The following STK31 variants were observed in gnomAD, a reference collection of about 807,000 sequenced individuals.
STK31 encodes serine/threonine kinase 31.
STK31 carries 89 observed loss-of-function variants against 129.7 expected under a neutral mutation model. That is an observed-to-expected ratio of 0.69 (90% CI 0.58 to 0.82). The LOEUF (loss-of-function observed/expected upper bound fraction) is 0.82. STK31 is among the 40% of genes least tolerant of loss of function. The pLI is 0.00. For synonymous variants in STK31, 448 were observed against 395.3 expected (o/e 1.13, Z -1.58); for missense variants, 1,187 against 1,176.4 (o/e 1.01, Z -0.13).
chr7:23,797,045 A>G (rs1216991307), intron 22 of STK31, among the ~76,000 whole-genome samples: 3 of 152,234 alleles, frequency 2.0e-5, no homozygotes, highest in East Asian at 1.9e-4. Flanking sequence ...AAAGGGATCA[A>G]CGCAACAAGA....
intron 22 of STK31, among the ~76,000 whole-genome samples, chr7:23,791,781 G>T (rs1446871913): frequency 6.6e-6 from 1 of 152,156 alleles, no homozygotes; most frequent in East Asian, 1.9e-4. Context: ...AGTTAAGAGG[G>T]ATTAAGTATT....
At chr7:23,820,600 A>G (rs778996418) in intron 23 of STK31, among the ~76,000 whole-genome samples, 5 of 152,164 alleles carry the variant, frequency 3.3e-5, no homozygotes, top group East Asian at 3.8e-4. Context: ...CTACTCTGCT[A>G]TCAATCACTA....
chr7:23,747,023 G>C (rs1031191137), intron 8 of STK31, among the ~76,000 whole-genome samples: 2 of 152,084 alleles, frequency 1.3e-5, no homozygotes, highest in African/African-American at 4.8e-5. Context: ...TCAAACCTGT[G>C]TTGTTCAGGC....
At chr7:23,797,735 A>G (rs1792064730) in intron 22 of STK31, among the ~76,000 whole-genome samples, 1 of 152,222 alleles carries the variant, frequency 6.6e-6, no homozygotes, top group Non-Finnish European at 1.5e-5. Flanking sequence ...TTCAAAAGCT[A>G]GTAGAAGACA....
chr7:23,734,900 G>A (rs1011990190), intron 6 of STK31, among the ~76,000 whole-genome samples: 26 of 152,274 alleles, frequency 1.7e-4, no homozygotes, highest in African/African-American at 6.3e-4. Flanking sequence ...GGGAGGCAGA[G>A]GTTGCAATGA....
intron 6 of STK31, among the ~76,000 whole-genome samples, chr7:23,730,511 A>G (rs949012528): frequency 6.6e-6 from 1 of 152,014 alleles, no homozygotes; most frequent in African/African-American, 2.4e-5. Flanking sequence ...AAGGTTGGGG[A>G]GGCTTGTTTT....
intron 22 of STK31, chr7:23,811,519 G>T: frequency 3.6e-6 from 1 of 279,382 alleles, no homozygotes; most frequent in South Asian, 4.8e-5. Flanking sequence ...TTCCACCAAT[G>T]AGCAAGTCAT....
At position 23,810,042 on chromosome 7, in the gene STK31, A is replaced by G. The variant is rs1320250107; in HGVS notation, c.2761-5102A>G. On this transcript the variant is annotated intron_variant, in intron 22 of 23. Transcript: ENST00000355870. ...CCTGGCTATAATTGTAGACTTGCCTATTTCTCCTTTCAACTCTATCTTGTG... is the reference window on the plus strand; with the variant it reads ...CCTGGCTATAATTGTAGACTTGCCTGTTTCTCCTTTCAACTCTATCTTGTG... 3.9e-5 allele frequency among the ~76,000 whole-genome samples: 6 copies of G among 152,140 alleles called. No individual in the cohort carries two copies. The East Asian group carries it at 5.8e-4, about 15-fold the overall frequency.
chr7:23,784,562 A>G (rs1396014830), intron 17 of STK31, among the ~76,000 whole-genome samples: 1 of 152,152 alleles, frequency 6.6e-6, no homozygotes, highest in East Asian at 1.9e-4. Flanking sequence ...AAGATTATAA[A>G]AGGTTTGACT....
At chr7:23,722,963 G>C (rs569232258) in intron 4 of STK31, 1 of 152,148 alleles carries the variant, frequency 6.6e-6, no homozygotes, top group Non-Finnish European at 1.5e-5. Context: ...AGAGTGTCCC[G>C]AATTTCCCGG....
intron 11 of STK31, among the ~76,000 whole-genome samples, chr7:23,763,779 T>G (rs954057641): frequency 6.6e-6 from 1 of 152,112 alleles, no homozygotes; most frequent in South Asian, 2.1e-4. Context: ...TCTAATGTTT[T>G]CATTTGAAAT....
intron 9 of STK31, 72 bp from the exon 10 acceptor site, chr7:23,754,243 T>C: frequency 1.3e-6 from 2 of 1,516,110 alleles, no homozygotes; most frequent in Non-Finnish European, 1.8e-6. Flanking sequence ...CCATTACTAT[T>C]AAAGTGTAAC....
In STK31 at chr7:23,785,462, A is replaced by G. The variant is rs374073462; in HGVS notation, c.2149-16A>G. 3.7e-6 allele frequency: 6 copies of G among 1,609,986 alleles called. No individual in the cohort carries two copies. In the African/African-American group the frequency reaches 5.3e-5, roughly 14 times the overall value. On this transcript the variant is annotated splice_polypyrimidine_tract_variant and intron_variant, in intron 17 of 23. Coordinates refer to ENST00000355870, the MANE Select transcript of STK31 (RefSeq NM_031414.5). ...ATTGTTTGGATTCTTTAACTGTGAT[A>G]AAAACTTGTGCCTAGAACTCTGGTG... is the stretch of plus-strand genomic sequence containing the variant.
chr7:23,807,830 C>G (rs926448656), intron 22 of STK31, among the ~76,000 whole-genome samples: 6 of 151,774 alleles, frequency 4.0e-5, no homozygotes, highest in African/African-American at 1.5e-4. Context: ...TCATTCAGTC[C>G]ACCTAATGAG....
chr7:23,824,138 G>C (rs2128131387), intron 23 of STK31, among the ~76,000 whole-genome samples: 1 of 152,320 alleles, frequency 6.6e-6, no homozygotes. Context: ...TGTGAAGAAA[G>C]TCATTGGTAG....
intron 10 of STK31, among the ~76,000 whole-genome samples, chr7:23,762,193 G>A (rs868596635): frequency 2.0e-5 from 3 of 151,112 alleles, no homozygotes; most frequent in South Asian, 2.1e-4. Context: ...CCATTAACTC[G>A]TCATTTAGCA....
chr7:23,807,574 G>C (rs185289205), intron 22 of STK31, among the ~76,000 whole-genome samples: 82 of 152,110 alleles, frequency 5.4e-4, no homozygotes, highest in African/African-American at 1.7e-3. Context: ...CAGCCTGTGG[G>C]CTTATGTTTT....
At chr7:23,710,578 G>T in intron 1 of STK31, 1 of 1,373,490 alleles carries the variant, frequency 7.3e-7, no homozygotes, top group Non-Finnish European at 9.4e-7. Flanking sequence ...CGGTCACGCA[G>T]CCTCCACACT....
chr7:23,821,786 G>A (rs912851677), intron 23 of STK31, among the ~76,000 whole-genome samples: 1 of 152,112 alleles, frequency 6.6e-6, no homozygotes, highest in Non-Finnish European at 1.5e-5. Context: ...ATAGTCTTGG[G>A]TTTTACATTT....
Sources: allele counts gnomAD v4.1 joint callset (sites outside exome capture counted in the v4.1 genomes callset), GRCh38; gene constraint gnomAD v4.1.1; transcripts MANE v1.5; gene names NCBI Gene and HGNC (gene_info 2026-07-23, HGNC 2026-07-21).